KCNJ2: variants seen among roughly 807,000 people sequenced by gnomAD.
KCNJ2 encodes the protein inward rectifier potassium channel 2.
KCNJ2 carries 12 observed loss-of-function variants against 28.4 expected under a neutral mutation model. The observed-to-expected ratio is 0.42, with a 90% CI of 0.27 to 0.68. The LOEUF (loss-of-function observed/expected upper bound fraction) is 0.68, where lower values mean the gene tolerates loss of function less well. Ranked by LOEUF, KCNJ2 falls within the 30% of genes least tolerant of loss-of-function variation. The pLI is 0.23. For synonymous variants in KCNJ2, 200 were observed against 203.2 expected (o/e 0.98, Z 0.13); for missense variants, 320 against 551.3 (o/e 0.58, Z 4.20).
Position 70,172,390 on chromosome 17 carries a change from T to C in KCNJ2, c.-216-2434T>C, listed in dbSNP as rs1231968096. 2.0e-5 allele frequency among the ~76,000 whole-genome samples: 3 copies of C among 147,618 alleles called. No individual in the cohort carries two copies. In the Admixed American group the frequency reaches 2.0e-4, roughly 10 times the overall value. On this transcript the variant is annotated intron_variant, in intron 1 of 1. Coordinates refer to ENST00000243457, the MANE Select transcript of KCNJ2 (RefSeq NM_000891.3). ...AGGAAGAAATGGTAAAATTTCTAAA[T>C]GATGCTCCACATGTGGAACAAATTC...
At chr17:70,169,803 G>C (rs1011095360) in intron 1 of KCNJ2, 102 bp downstream of exon 1, 1 of 152,986 alleles carries the variant, frequency 6.5e-6, no homozygotes, top group African/African-American at 2.4e-5. Flanking sequence ...CGCTGCTCCA[G>C]AGGTGCCCAG....
In KCNJ2 at chr17:70,178,346, T is replaced by G. The variant is rs1206119012; in HGVS notation, c.*2023T>G. On this transcript the variant is annotated 3_prime_UTR_variant, in exon 2 of 2. Transcript: ENST00000243457. ...AAGAAAGAGATGTTAAGCAAGTGGT[T>G]GTTTTAGATCCAAATGTAAAGGCAG... is the stretch of plus-strand genomic sequence containing the variant. 6.0e-6 allele frequency: 1 copy of G among 167,048 alleles called. No homozygotes were observed. Among genetic ancestry groups the G allele is most frequent in the African/African-American group, 2.4e-5 (1 of 41,444 alleles). The allele number at this position is 167,048 out of a possible 1,614,324, so 10.3% of individuals were successfully genotyped here. A position where few individuals can be genotyped will look rare whatever the true frequency, so the allele number is the denominator to read the frequency against.
intron 1 of KCNJ2, among the ~76,000 whole-genome samples, chr17:70,171,549 A>C (rs963056449): frequency 6.6e-6 from 1 of 151,832 alleles, no homozygotes; most frequent in Non-Finnish European, 1.5e-5. Flanking sequence ...TTAGTTATTT[A>C]TAAGCCATAT....
At chr17:70,170,454 GA>G (rs5821759) in intron 1 of KCNJ2, among the ~76,000 whole-genome samples, 9 of 151,740 alleles carry the variant, frequency 5.9e-5, no homozygotes, top group African/African-American at 7.3e-5. Flanking sequence ...ATGACAATTG[GA>G]AAAAAAATAG....
In KCNJ2 at chr17:70,169,690, C is replaced by T. The variant is rs765064661; in HGVS notation, c.-228C>T. On this transcript the variant is annotated 5_prime_UTR_variant, in exon 1 of 2. Transcript: ENST00000243457. ...TCCACTCCATGTCCCCATGCTCCTGCGCCAGCAACAGGTAAGGGCTGCTGT... is the reference window on the plus strand; with the variant it reads ...TCCACTCCATGTCCCCATGCTCCTGTGCCAGCAACAGGTAAGGGCTGCTGT... The T allele has an allele frequency of 2.3e-4, 35 of 153,774 alleles. No individual in the cohort carries two copies. Among genetic ancestry groups the T allele is most frequent in the Non-Finnish European group, 3.6e-4 (25 of 69,248 alleles). The allele number at this position is 153,774 out of a possible 1,614,324, so 9.5% of individuals were successfully genotyped here. A position where few individuals can be genotyped will look rare whatever the true frequency, so the allele number is the denominator to read the frequency against.
chr17:70,175,574 G>T lies in KCNJ2; in HGVS notation c.535G>T (p.Val179Phe). 1 of 1,614,196 alleles carries T rather than the reference G, an allele frequency of 6.2e-7. No homozygotes were observed. The highest frequency in any genetic ancestry group is 1.1e-5 in the South Asian group (1 of 91,078). Residue 179 changes from valine to phenylalanine, a missense_variant, in exon 2 of 2, where the codon GTC becomes TTC. Transcript: ENST00000243457. This position sits in a 1 kb window ranked among gnomAD's most constrained non-coding sequence, Gnocchi z 8.3. Reference sequence around the variant, plus strand: ...CATCGATGCTTTCATCATTGGCGCAGTCATGGCCAAGATGGCAAAGCCAAA... The same window carrying T: ...CATCGATGCTTTCATCATTGGCGCATTCATGGCCAAGATGGCAAAGCCAAA... ...CIIDAFIIGA[V>F]MAKMAKPKKR... is the part of the protein sequence containing the mutation.
chr17:70,172,535 A>G (rs2074370858), intron 1 of KCNJ2, among the ~76,000 whole-genome samples: 1 of 152,218 alleles, frequency 6.6e-6, no homozygotes, highest in Non-Finnish European at 1.5e-5. Flanking sequence ...AATTCAAACA[A>G]ATGTCCTGGG....
At position 70,176,343 on chromosome 17, in the gene KCNJ2, G is replaced by A. The variant is rs776522922; in HGVS notation, c.*20G>A. The A allele has an allele frequency of 5.6e-6, 9 of 1,608,386 alleles. No homozygotes were observed. Among genetic ancestry groups the A allele is most frequent in the Admixed American group, 5.0e-5 (3 of 60,004 alleles). The stretch of plus-strand genomic sequence containing the variant: ...ATATGACTGACTGATTCCTTCTCTG[G>A]AATAGTTACTTTACAACACGGTCTG... On this transcript the variant is annotated 3_prime_UTR_variant, in exon 2 of 2. Transcript: ENST00000243457.
chr17:70,170,524 C>G (rs2144370697), intron 1 of KCNJ2, among the ~76,000 whole-genome samples: 1 of 152,222 alleles, frequency 6.6e-6, no homozygotes, highest in African/African-American at 2.4e-5. Context: ...AGGATGATCA[C>G]TAGGATAAAA....
In KCNJ2 at chr17:70,176,947, G is replaced by A. The variant is rs9302915; in HGVS notation, c.*624G>A. 0.06 allele frequency: 10,071 copies of A among 168,958 alleles called. 1,037 individuals are homozygous for A. The highest frequency in any genetic ancestry group is 0.22 in the African/African-American group (9,070 of 41,414). 10.5% of individuals were successfully genotyped at this position (168,958 alleles called of 1,614,324 possible). On this transcript the variant is annotated 3_prime_UTR_variant, in exon 2 of 2. Transcript: ENST00000243457. ...ATAAGGGCATTATGTAACACTAGCC[G>A]AATGGTAGCCTCTGGGTTGTTGTTT...
At chr17:70,170,410 C>T (rs1224873545) in intron 1 of KCNJ2, among the ~76,000 whole-genome samples, 1 of 151,946 alleles carries the variant, frequency 6.6e-6, no homozygotes, top group Non-Finnish European at 1.5e-5. Flanking sequence ...CGACTTGATT[C>T]TGCAAAAAGA....
chr17:70,171,113 A>T (rs552110793), intron 1 of KCNJ2, among the ~76,000 whole-genome samples: 39 of 152,304 alleles, frequency 2.6e-4, no homozygotes, highest in Non-Finnish European at 5.0e-4. Flanking sequence ...AGTGTTTCAG[A>T]TTTTTTTAAG....
In KCNJ2 at chr17:70,177,004, T is replaced by C. The variant is rs901695056; in HGVS notation, c.*681T>C. 2 of 167,448 alleles carry C rather than the reference T, an allele frequency of 1.2e-5. No individual in the cohort carries two copies. Among genetic ancestry groups the C allele is most frequent in the African/African-American group, 4.8e-5 (2 of 41,450 alleles). The allele number at this position is 167,448 out of a possible 1,614,324, so 10.4% of individuals were successfully genotyped here. ...TTTCCTCCATGATGTTAATGGGTTA[T>C]CTCAAATTTTAAGTTAAACTACCTA... On this transcript the variant is annotated 3_prime_UTR_variant, in exon 2 of 2. Coordinates refer to ENST00000243457, the MANE Select transcript of KCNJ2 (RefSeq NM_000891.3).
intron 1 of KCNJ2, among the ~76,000 whole-genome samples, chr17:70,173,144 C>T (rs1334294245): frequency 6.6e-6 from 1 of 152,178 alleles, no homozygotes; most frequent in Admixed American, 6.5e-5. Flanking sequence ...TGTTGGGGCA[C>T]ATTCTTGCAT....
At position 70,174,117 on chromosome 17, in the gene KCNJ2, G is replaced by A. The variant is rs549979462; in HGVS notation, c.-216-707G>A. ...ATTTCAGATTATTATAAGCAATAGG[G>A]GCAGTATTCACCATCGTAGGAGGTT... On this transcript the variant is annotated intron_variant, in intron 1 of 1. Coordinates refer to ENST00000243457, the MANE Select transcript of KCNJ2 (RefSeq NM_000891.3). Among the ~76,000 whole-genome samples the A allele has an allele frequency of 2.0e-5, 3 of 152,078 alleles. No individual in the cohort carries two copies. In the South Asian group the frequency reaches 6.2e-4, roughly 32 times the overall value.
At position 70,176,216 on chromosome 17, in the gene KCNJ2, G is replaced by T. The variant is rs1598211614; in HGVS notation, c.1177G>T (p.Gly393Ter). 6.2e-7 allele frequency: 1 copy of T among 1,614,072 alleles called. No individual in the cohort carries two copies. Among genetic ancestry groups the T allele is most frequent in the Non-Finnish European group, 8.5e-7 (1 of 1,180,010 alleles). The change falls in exon 2 of 2, where the codon GGA becomes TGA. Residue 393 changes from glycine (G) to a stop codon, truncating the protein, a stop_gained. Coordinates refer to ENST00000243457, the MANE Select transcript of KCNJ2 (RefSeq NM_000891.3). LOFTEE classifies it high-confidence loss of function. ...TSKEEDDSENGVPESTSTDTP... is the reference protein window; with the variant it reads ...TSKEEDDSEN ...CAAAGAGGAAGACGACAGTGAAAAT[G>T]GAGTTCCAGAAAGCACTAGTACGGA...
At position 70,179,675 on chromosome 17, in the gene KCNJ2, T is replaced by A. The variant is rs886053345; in HGVS notation, c.*3352T>A. On this transcript the variant is annotated 3_prime_UTR_variant, in exon 2 of 2. Coordinates refer to ENST00000243457, the MANE Select transcript of KCNJ2 (RefSeq NM_000891.3). ...ATATTTCCCTTACAATTAATAAATG[T>A]CACTTCATATTTTATAATAAACCAC... The A allele has an allele frequency of 1.8e-5, 3 of 166,608 alleles. No individual in the cohort carries two copies. In the East Asian group the frequency reaches 5.8e-4, roughly 32 times the overall value. The allele number at this position is 166,608 out of a possible 1,614,324, so 10.3% of individuals were successfully genotyped here.
rs1194064341 is a variant in KCNJ2 at position 70,179,723 on chromosome 17, C to T, written c.*3400C>T. The T allele has an allele frequency of 6.0e-6, 1 of 166,666 alleles. No individual in the cohort carries two copies. The allele number at this position is 166,666 out of a possible 1,614,324, so 10.3% of individuals were successfully genotyped here. A position where few individuals can be genotyped will look rare whatever the true frequency, so the allele number is the denominator to read the frequency against. ...CACTCAGTAAAAGCAAAAGCTTGTC[C>T]TGAGAAGTAGAGTGAGTTCTTTTTC... On this transcript the variant is annotated 3_prime_UTR_variant, in exon 2 of 2. Coordinates refer to ENST00000243457, the MANE Select transcript of KCNJ2 (RefSeq NM_000891.3).
intron 1 of KCNJ2, among the ~76,000 whole-genome samples, chr17:70,173,095 C>T (rs902225387): frequency 6.6e-6 from 1 of 152,316 alleles, no homozygotes; most frequent in East Asian, 1.9e-4. Flanking sequence ...ATGTAACACA[C>T]ATTGCAATTT....
Sources: gnomAD v4.1 joint callset for allele counts (sites outside exome capture counted in the v4.1 genomes callset) on GRCh38, gnomAD v4.1.1 for gene constraint, Gnocchi (gnomAD v3.1) non-coding constraint, MANE v1.5 for transcripts, NCBI Gene and HGNC (gene_info 2026-07-23, HGNC 2026-07-21) for gene names.